BCAS3: variants seen among roughly 807,000 people sequenced by gnomAD.
The protein encoded by BCAS3 is BCAS3 microtubule associated cell migration factor.
Under a neutral mutation model 116.1 loss-of-function variants are expected in BCAS3, and 53 were observed. That is an observed-to-expected ratio of 0.46 (90% CI 0.37 to 0.57). The LOEUF is 0.57. Ranked by LOEUF, BCAS3 falls within the 20% of genes least tolerant of loss-of-function variation. The probability of loss-of-function intolerance (pLI) is 0.00; values close to 1 mark genes in which losing one functional copy is unlikely to be tolerated. For missense variants in BCAS3, 917 were observed against 1,165.4 expected (o/e 0.79, Z 3.10); for synonymous variants, 391 against 408.2 (o/e 0.96, Z 0.51).
chr17:61,089,200 G>A (rs2143573357), intron 22 of BCAS3, among the ~76,000 whole-genome samples: 1 of 152,198 alleles, frequency 6.6e-6, no homozygotes, highest in East Asian at 1.9e-4. Context: ...ACTGTTTACT[G>A]AAGAAAATTA....
chr17:61,185,543 C>T (rs754302272), intron 22 of BCAS3, among the ~76,000 whole-genome samples: 2 of 152,064 alleles, frequency 1.3e-5, no homozygotes, highest in African/African-American at 2.4e-5. Context: ...GTGGTTGATA[C>T]ACTCCAGTTT....
rs1221172522 is a variant in BCAS3, at chr17:61,056,205, T to G, written c.2029+15313T>G. On this transcript the variant is annotated intron_variant, in intron 19 of 23. Transcript: ENST00000407086. This position sits in a 1 kb window ranked among gnomAD's most constrained non-coding sequence, Gnocchi z 4.9. ...GGAAGAGATGGAGATAGAAATTGATTAGTGGCCAAAATAAAGATGGAAAGT... is the reference window on the plus strand; with the variant it reads ...GGAAGAGATGGAGATAGAAATTGATGAGTGGCCAAAATAAAGATGGAAAGT... 1.3e-5 allele frequency among the ~76,000 whole-genome samples: 2 copies of G among 152,214 alleles called. No individual in the cohort carries two copies. The highest frequency in any genetic ancestry group is 1.9e-4 in the East Asian group (1 of 5,202).
intron 14 of BCAS3, among the ~76,000 whole-genome samples, chr17:60,974,772 T>C (rs1158431821): frequency 6.6e-6 from 1 of 152,188 alleles, no homozygotes. Flanking sequence ...TATTTGTATC[T>C]CATTAGTTGA....
At chr17:60,765,229 CATT>C (rs1663442792) in intron 6 of BCAS3, among the ~76,000 whole-genome samples, 2 of 152,146 alleles carry the variant, frequency 1.3e-5, no homozygotes, top group African/African-American at 2.4e-5. Flanking sequence ...ATGATCCTGT[CATT>C]ATGATGTTAG....
chr17:61,320,389 A>C (rs554925168), intron 22 of BCAS3, among the ~76,000 whole-genome samples: 1 of 151,750 alleles, frequency 6.6e-6, no homozygotes, highest in Admixed American at 6.6e-5. Context: ...GAAAGAATAT[A>C]TTCAACTGAA....
chr17:60,878,856 T>C (rs769584942), intron 9 of BCAS3, among the ~76,000 whole-genome samples: 7 of 152,232 alleles, frequency 4.6e-5, no homozygotes, highest in Non-Finnish European at 1.0e-4. Flanking sequence ...CAGCTTCCTC[T>C]AAAGTGATTT....
chr17:60,683,985 G>A lies in BCAS3; in HGVS notation c.87G>A (p.Glu29=). The A allele has an allele frequency of 6.2e-7, 1 of 1,613,602 alleles. No individual in the cohort carries two copies. Among genetic ancestry groups the A allele is most frequent in the Non-Finnish European group, 8.5e-7 (1 of 1,179,616 alleles). The change falls in exon 3 of 24, where the codon GAG becomes GAA. Residue 29 remains glutamate (E), a synonymous_variant. Coordinates refer to ENST00000407086, the MANE Select transcript of BCAS3 (RefSeq NM_017679.5). The stretch of plus-strand genomic sequence containing the variant: ...TGTCCATTTCACCCTTTTCCAGAGA[G>A]CAGTCCTACATGGAAAGTGTTGTGA... ...GVVVRPQAVT[E]QSYMESVVTF...
rs2057602345 is a variant in BCAS3, at chr17:61,347,965, A to G, written c.2426-20362A>G. On this transcript the variant is annotated intron_variant, in intron 22 of 23. Coordinates refer to ENST00000407086, the MANE Select transcript of BCAS3 (RefSeq NM_017679.5). This position sits in a 1 kb window ranked among gnomAD's most constrained non-coding sequence, Gnocchi z 4.3. ...AGTTGTGCTAAGAAGATTGGGCTTA[A>G]TCCTGAGGGCAGATGAGTAAAATGT... Among the ~76,000 whole-genome samples, 1 of 152,254 alleles carries G rather than the reference A, an allele frequency of 6.6e-6. No individual in the cohort carries two copies. Among genetic ancestry groups the G allele is most frequent in the South Asian group, 2.1e-4 (1 of 4,828 alleles).
intron 22 of BCAS3, among the ~76,000 whole-genome samples, chr17:61,209,806 TG>T (rs1164799513): frequency 6.6e-6 from 1 of 152,238 alleles, no homozygotes; most frequent in East Asian, 1.9e-4. Context: ...TTAATCACTC[TG>T]GGGTTTAAAG....
Position 61,265,458 on chromosome 17 carries a change from A to G in BCAS3, c.2426-102869A>G, listed in dbSNP as rs2049608575. ...CCTGATACATAACAGATATTCAATAATTGTTCCCTTCCTTCCCCTCTTATA... is the reference window on the plus strand; with the variant it reads ...CCTGATACATAACAGATATTCAATAGTTGTTCCCTTCCTTCCCCTCTTATA... On this transcript the variant is annotated intron_variant, in intron 22 of 23. Transcript: ENST00000407086. This position sits in a 1 kb window ranked among gnomAD's most constrained non-coding sequence, Gnocchi z 4.3. Among the ~76,000 whole-genome samples the G allele has an allele frequency of 6.6e-6, 1 of 152,138 alleles. No homozygotes were observed. The highest frequency in any genetic ancestry group is 1.5e-5 in the Non-Finnish European group (1 of 68,014).
intron 22 of BCAS3, among the ~76,000 whole-genome samples, chr17:61,163,845 G>A (rs1302248917): frequency 6.6e-6 from 1 of 151,750 alleles, no homozygotes; most frequent in Non-Finnish European, 1.5e-5. Context: ...AATTAGCCAG[G>A]CATGGTGGCG....
intron 4 of BCAS3, among the ~76,000 whole-genome samples, chr17:60,697,713 G>T (rs773814194): frequency 1.3e-5 from 2 of 152,206 alleles, no homozygotes; most frequent in Admixed American, 6.5e-5. Context: ...TATACTGAGT[G>T]CAGTCATGGA....
chr17:60,901,689 T>C (rs2057904704), intron 10 of BCAS3, among the ~76,000 whole-genome samples: 1 of 152,192 alleles, frequency 6.6e-6, no homozygotes, highest in Admixed American at 6.5e-5. Flanking sequence ...AAATTTTGAA[T>C]TAAGAATAAA....
intron 14 of BCAS3, among the ~76,000 whole-genome samples, chr17:60,949,365 C>T (rs1399150867): frequency 6.6e-6 from 1 of 152,118 alleles, no homozygotes; most frequent in Non-Finnish European, 1.5e-5. Context: ...TCAAGTGATC[C>T]TCCTGTCTCA....
chr17:61,143,246 C>T (rs1461587706), intron 22 of BCAS3, among the ~76,000 whole-genome samples: 3 of 152,136 alleles, frequency 2.0e-5, no homozygotes, highest in Admixed American at 2.0e-4. Flanking sequence ...ACTGTTCAGC[C>T]AGACTGTTAT....
chr17:60,698,183 C>CAAA (rs759028839), intron 4 of BCAS3, among the ~76,000 whole-genome samples: 1,142 of 53,930 alleles, frequency 0.021, 58 homozygotes, highest in African/African-American at 0.042. Context: ...CTCCGTCTCA[C>CAAA]AAAAAAAAAA....
intron 19 of BCAS3, among the ~76,000 whole-genome samples, chr17:61,046,514 G>A (rs1029498863): frequency 9.9e-5 from 15 of 151,654 alleles, no homozygotes; most frequent in African/African-American, 3.4e-4. Context: ...ACATCCCCCT[G>A]TATGCTTCAA....
chr17:60,734,101 C>T (rs1056747343), intron 5 of BCAS3, among the ~76,000 whole-genome samples: 3 of 152,024 alleles, frequency 2.0e-5, no homozygotes, highest in African/African-American at 7.3e-5. Flanking sequence ...AGGTTTTCTC[C>T]TGTTATTTAT....
In BCAS3 at chr17:61,105,384, G is replaced by A. The variant is rs191953292; in HGVS notation, c.2425+20820G>A. Among the ~76,000 whole-genome samples the A allele has an allele frequency of 2.7e-3, 406 of 152,274 alleles. 3 individuals are homozygous for A. The highest frequency in any genetic ancestry group is 9.4e-3 in the African/African-American group (390 of 41,564). ...GGCTAGAAAAGCAGACCCATGAAAG[G>A]CCATGACTACTATGCTGACACTAGA... On this transcript the variant is annotated intron_variant, in intron 22 of 23. Transcript: ENST00000407086. The surrounding 1 kb of genome is among the most constrained non-coding windows in gnomAD (Gnocchi z 4.3).
Sources: gnomAD v4.1 joint callset for allele counts (sites outside exome capture counted in the v4.1 genomes callset) on GRCh38, gnomAD v4.1.1 for gene constraint, Gnocchi (gnomAD v3.1) non-coding constraint, MANE v1.5 for transcripts, NCBI Gene and HGNC (gene_info 2026-07-23, HGNC 2026-07-21) for gene names.